Variants in DOCK3 observed in about 807,000 individuals in gnomAD.
DOCK3 encodes the protein dedicator of cytokinesis 3, also known as dedicator of cytokinesis protein 3.
In DOCK3, 60 loss-of-function variants were observed where a neutral mutation model predicts 265.6. The observed-to-expected ratio is 0.23, with a 90% CI of 0.18 to 0.28. The LOEUF is 0.28. Ranked by LOEUF, DOCK3 falls within the 10% of genes least tolerant of loss-of-function variation. DOCK3 has a pLI of 1.00. For missense variants in DOCK3, 1,981 were observed against 2,594.3 expected, an observed-to-expected ratio of 0.76 and a Z score of 5.14; for synonymous variants, 881 against 938.0, an observed-to-expected ratio of 0.94 and a Z score of 1.11.
chr3:50,854,789 G>A (rs796140378), intron 3 of DOCK3, among the ~76,000 whole-genome samples: 7 of 151,462 alleles, frequency 4.6e-5, no homozygotes, highest in Non-Finnish European at 8.8e-5. Context: ...TTGTTAATCC[G>A]TGTTGAGTTA....
intron 33 of DOCK3, 30 bp downstream of exon 33, chr3:51,330,253 A>G (rs780209476): frequency 6.4e-7 from 1 of 1,555,974 alleles, no homozygotes; most frequent in African/African-American, 1.4e-5. Context: ...GGCACACCAC[A>G]CTGGGGGATG....
chr3:50,968,325 C>A (rs1226506226), intron 5 of DOCK3, among the ~76,000 whole-genome samples: 1 of 152,050 alleles, frequency 6.6e-6, no homozygotes, highest in African/African-American at 2.4e-5. Flanking sequence ...CATCACCATG[C>A]CTACCTCTGT....
intron 32 of DOCK3, among the ~76,000 whole-genome samples, chr3:51,328,884 G>C (rs553448340): frequency 6.6e-6 from 1 of 152,236 alleles, no homozygotes; most frequent in Admixed American, 6.5e-5. Flanking sequence ...CCAGTACGGT[G>C]GCTCATGCCT....
chr3:50,791,207 C>A (rs970524011), intron 2 of DOCK3, among the ~76,000 whole-genome samples: 1 of 150,812 alleles, frequency 6.6e-6, no homozygotes, highest in Non-Finnish European at 1.5e-5. Flanking sequence ...ATGGTATTGG[C>A]CTAGGTGATC....
intron 23 of DOCK3, among the ~76,000 whole-genome samples, chr3:51,262,798 T>A (rs2079931697): frequency 6.6e-6 from 1 of 151,952 alleles, no homozygotes; most frequent in Non-Finnish European, 1.5e-5. Context: ...GCCAAACTGA[T>A]CAAGTGGAAG....
chr3:50,712,323 C>T (rs56413944), intron 1 of DOCK3, among the ~76,000 whole-genome samples: 3,801 of 152,086 alleles, frequency 0.025, 182 homozygotes, highest in African/African-American at 0.087. Flanking sequence ...GTTCTTTAGC[C>T]ACCTCTTGTA....
At chr3:51,049,874 G>A (rs2080928329) in intron 5 of DOCK3, among the ~76,000 whole-genome samples, 1 of 151,402 alleles carries the variant, frequency 6.6e-6, no homozygotes, top group Non-Finnish European at 1.5e-5. Flanking sequence ...TTGTAAAGTT[G>A]CAGGGTAGAA....
chr3:51,066,464 A>G (rs575776670), intron 6 of DOCK3, among the ~76,000 whole-genome samples: 3 of 152,320 alleles, frequency 2.0e-5, no homozygotes, highest in South Asian at 2.1e-4. Flanking sequence ...AAGTGTTATC[A>G]TTAGCACTGG....
At chr3:51,104,217 G>A (rs913981343) in intron 9 of DOCK3, among the ~76,000 whole-genome samples, 1 of 152,180 alleles carries the variant, frequency 6.6e-6, no homozygotes, top group Admixed American at 6.5e-5. Flanking sequence ...TGAGCCTGAG[G>A]ACAGCAAGGA....
At chr3:50,785,985 C>T (rs1452394669) in intron 2 of DOCK3, among the ~76,000 whole-genome samples, 1 of 151,242 alleles carries the variant, frequency 6.6e-6, no homozygotes, top group Non-Finnish European at 1.5e-5. Flanking sequence ...TTTTGTCTCA[C>T]TGCTTGTTAT....
intron 9 of DOCK3, among the ~76,000 whole-genome samples, chr3:51,107,144 A>G (rs137995236): frequency 1.4e-3 from 214 of 152,266 alleles, no homozygotes; most frequent in Non-Finnish European, 2.6e-3. Context: ...GACTGAACCC[A>G]TCTTATATCA....
rs1228332025 is a variant in DOCK3 at position 50,823,681 on chromosome 3, T to C, written c.122-17994T>C. Among the ~76,000 whole-genome samples, 12 of 152,066 alleles carry C rather than the reference T, an allele frequency of 7.9e-5. No homozygotes were observed. In the East Asian group the frequency reaches 1.7e-3, roughly 22 times the overall value. On this transcript the variant is annotated intron_variant, in intron 2 of 52. Transcript: ENST00000266037. ...GGCCCATTCTCAATGAGCTGTTGGGTACACCTCCCAGACGGGGTGGTGGCC... is the reference window on the plus strand; with the variant it reads ...GGCCCATTCTCAATGAGCTGTTGGGCACACCTCCCAGACGGGGTGGTGGCC...
chr3:51,263,735 G>A (rs1413555392), intron 23 of DOCK3, among the ~76,000 whole-genome samples: 1 of 152,136 alleles, frequency 6.6e-6, no homozygotes, highest in Non-Finnish European at 1.5e-5. Context: ...TATTTACCAA[G>A]CAAATGGAAA....
chr3:51,089,209 G>T, intron 7 of DOCK3, 34 bp from the exon 8 acceptor site: 2 of 1,581,228 alleles, frequency 1.3e-6, no homozygotes, highest in East Asian at 2.3e-5. Flanking sequence ...TTTCTTTCCC[G>T]GTAGAGTTTA....
At chr3:51,268,248 A>T (rs1407067377) in intron 23 of DOCK3, among the ~76,000 whole-genome samples, 8 of 152,198 alleles carry the variant, frequency 5.3e-5, no homozygotes, top group African/African-American at 1.9e-4. Flanking sequence ...CAATCACCTG[A>T]GCCCAAGAAG....
intron 4 of DOCK3, among the ~76,000 whole-genome samples, chr3:50,921,933 G>T (rs1436435969): frequency 6.6e-6 from 1 of 152,140 alleles, no homozygotes; most frequent in Non-Finnish European, 1.5e-5. Context: ...TCTCAGAGGG[G>T]CACCTGGCTG....
At chr3:51,154,083 G>A (rs911667741) in intron 10 of DOCK3, among the ~76,000 whole-genome samples, 17 of 152,168 alleles carry the variant, frequency 1.1e-4, no homozygotes, top group African/African-American at 4.1e-4. Context: ...TTTATCTGGA[G>A]ATCTGATACA....
intron 1 of DOCK3, among the ~76,000 whole-genome samples, chr3:50,729,945 AC>A (rs1379869144): frequency 1.3e-5 from 2 of 148,854 alleles, no homozygotes; most frequent in African/African-American, 2.5e-5. Flanking sequence ...CAGCCTCCCG[AC>A]TAGTTGGGAT....
intron 22 of DOCK3, among the ~76,000 whole-genome samples, chr3:51,256,587 G>GTTTTT (rs369826497): frequency 7.4e-6 from 1 of 135,588 alleles, no homozygotes; most frequent in African/African-American, 2.8e-5. Context: ...TTGAGTTTTC[G>GTTTTT]TTTTTGTTTT....
Sources: gnomAD v4.1 joint callset for allele counts (sites outside exome capture counted in the v4.1 genomes callset) on GRCh38, gnomAD v4.1.1 for gene constraint, MANE v1.5 for transcripts, NCBI Gene and HGNC (gene_info 2026-07-23, HGNC 2026-07-21) for gene names.